OSBPL2: variants seen among roughly 807,000 people sequenced by gnomAD.
OSBPL2 encodes the protein oxysterol-binding protein-related protein 2.
OSBPL2 carries 18 observed loss-of-function variants against 58.4 expected under a neutral mutation model. The ratio of observed to expected loss-of-function variants is 0.31; its 90% CI spans 0.21 to 0.46. OSBPL2 has a LOEUF of 0.46. OSBPL2 is among the 20% of genes least tolerant of loss of function. The pLI is 1.00. For missense variants in OSBPL2, 461 were observed against 616.5 expected, an observed-to-expected ratio of 0.75 and a Z score of 2.67; for synonymous variants, 221 against 234.1, an observed-to-expected ratio of 0.94 and a Z score of 0.51.
rs147891445 is a variant in OSBPL2 at position 62,251,865 on chromosome 20, C to CTTTTTTTTTTTTTTTTTTTTTTTT, written c.-128-4184_-128-4161dup. ...TCAAGCGTCATTTTAATTGGTATGCCTTTTTTTTTTTTTTTTTTTTTTTTT... is the reference window on the plus strand; with the variant it reads ...TCAAGCGTCATTTTAATTGGTATGCCTTTTTTTTTTTTTTTTTTTTTTTTTTTTTTTTTTTTTTTTTTTTTTTTT... On this transcript the variant is annotated intron_variant, in intron 1 of 13. Transcript: ENST00000313733. 1.9e-4 allele frequency among the ~76,000 whole-genome samples: 8 copies of CTTTTTTTTTTTTTTTTTTTTTTTT among 41,738 alleles called. 2 individuals carry two copies. Among genetic ancestry groups the CTTTTTTTTTTTTTTTTTTTTTTTT allele is most frequent in the African/African-American group, 3.2e-4 (3 of 9,290 alleles). The allele number at this position is 41,738 out of a possible 152,430, so 27.4% of individuals were successfully genotyped here.
In OSBPL2 at chr20:62,244,285, A is replaced by G. The variant is rs546849705; in HGVS notation, c.-129+5688A>G. On this transcript the variant is annotated intron_variant, in intron 1 of 13. Coordinates refer to ENST00000313733, the MANE Select transcript of OSBPL2 (RefSeq NM_144498.4). ...CCTTGCTGGGTTGTGAGATGTGGGT[A>G]CAAGGTGTCTCCTTCTCCTCTAGCT... 2.6e-5 allele frequency among the ~76,000 whole-genome samples: 4 copies of G among 152,304 alleles called. No individual in the cohort carries two copies. The East Asian group carries it at 7.7e-4, about 29-fold the overall frequency.
At chr20:62,261,251 G>A (rs1042718296) in intron 3 of OSBPL2, among the ~76,000 whole-genome samples, 3 of 151,230 alleles carry the variant, frequency 2.0e-5, no homozygotes, top group Admixed American at 6.6e-5. Context: ...GGGAGGCAGA[G>A]GTTACAGTGA....
Position 62,251,865 on chromosome 20 carries a change from C to CTTTTTTTTTTTTT in OSBPL2, c.-128-4173_-128-4161dup, listed in dbSNP as rs147891445. ...TCAAGCGTCATTTTAATTGGTATGC[C>CTTTTTTTTTTTTT]TTTTTTTTTTTTTTTTTTTTTTTTT... On this transcript the variant is annotated intron_variant, in intron 1 of 13. Transcript: ENST00000313733. Among the ~76,000 whole-genome samples the CTTTTTTTTTTTTT allele has an allele frequency of 4.8e-5, 2 of 41,770 alleles. 1 individual carries two copies. Among genetic ancestry groups the CTTTTTTTTTTTTT allele is most frequent in the African/African-American group, 2.1e-4 (2 of 9,310 alleles). 27.4% of individuals were successfully genotyped at this position (41,770 alleles called of 152,430 possible). A position where few individuals can be genotyped will look rare whatever the true frequency, so the allele number is the denominator to read the frequency against.
At chr20:62,258,236 A>C (rs60155267) in intron 2 of OSBPL2, among the ~76,000 whole-genome samples, 10,774 of 152,274 alleles carry the variant, frequency 0.071, 490 homozygotes, top group South Asian at 0.16. Flanking sequence ...CTTGGGCTTC[A>C]AAACAAATAA....
chr20:62,291,692 T>A lies in OSBPL2; in HGVS notation c.1250-11T>A, dbSNP rs1379841069. On this transcript the variant is annotated splice_polypyrimidine_tract_variant and intron_variant, in intron 12 of 13. Coordinates refer to ENST00000313733, the MANE Select transcript of OSBPL2 (RefSeq NM_144498.4). ...TCTCTGTCTGACCTAAACTGTTTGC[T>A]TGGATCCTAGATCTGGCCAGCCAGG... The A allele has an allele frequency of 1.2e-6, 2 of 1,613,372 alleles. No individual in the cohort carries two copies. The highest frequency in any genetic ancestry group is 2.2e-5 in the South Asian group (2 of 91,070).
intron 6 of OSBPL2, among the ~76,000 whole-genome samples, chr20:62,273,631 G>A (rs1029468397): frequency 4.6e-5 from 7 of 152,224 alleles, no homozygotes; most frequent in Non-Finnish European, 8.8e-5. Flanking sequence ...CTGGCAATGA[G>A]ATATTTTAGT....
chr20:62,284,220 T>C (rs762991588), intron 10 of OSBPL2, 51 bp downstream of exon 10: 2 of 1,612,574 alleles, frequency 1.2e-6, no homozygotes, highest in African/African-American at 2.7e-5. Flanking sequence ...TGCTGAGGGC[T>C]GCCAGGCCGC....
intron 1 of OSBPL2, among the ~76,000 whole-genome samples, chr20:62,243,823 T>A (rs1015648729): frequency 1.0e-4 from 15 of 147,694 alleles, no homozygotes; most frequent in Non-Finnish European, 1.3e-4. Flanking sequence ...GAACGAAAAA[T>A]TTTTTTTCCT....
chr20:62,291,600 C>A, intron 12 of OSBPL2, 103 bp from the exon 13 acceptor site: 3 of 962,588 alleles, frequency 3.1e-6, no homozygotes, highest in Non-Finnish European at 5.0e-6. Context: ...TGTGGCATTC[C>A]AGCCACAGTG....
At chr20:62,271,806 G>A (rs1040396826) in intron 4 of OSBPL2, 20 of 289,010 alleles carry the variant, frequency 6.9e-5, no homozygotes, top group East Asian at 6.8e-4. Flanking sequence ...GGGAGGGGGC[G>A]CAGGTGGGCC....
intron 1 of OSBPL2, among the ~76,000 whole-genome samples, chr20:62,251,037 ATTTTTTTTTTTTTT>A (rs35328509): frequency 1.9e-4 from 19 of 97,808 alleles, no homozygotes; most frequent in Admixed American, 1.0e-3. Flanking sequence ...AGAGCAATAG[ATTTTTTTTTTTTTT>A]TTTTTTTTTT....
intron 6 of OSBPL2, chr20:62,278,534 AGTGCGATGTCATGTTTG>A: frequency 2.6e-5 from 2 of 76,416 alleles, no homozygotes; most frequent in Admixed American, 2.8e-4. Context: ...CGTTAGGCCG[AGTGCGATGTCATGTTTG>A]TGTGTGTGTC....
chr20:62,266,977 G>A (rs1462384949), intron 4 of OSBPL2, among the ~76,000 whole-genome samples: 1 of 152,226 alleles, frequency 6.6e-6, no homozygotes, highest in Non-Finnish European at 1.5e-5. Flanking sequence ...GGCAGGCCAG[G>A]CGTGCGACGG....
Position 62,294,030 on chromosome 20 carries a change from G to A in OSBPL2, c.*143G>A. 9.0e-7 allele frequency: 1 copy of A among 1,115,754 alleles called. No homozygotes were observed. The highest frequency in any genetic ancestry group is 3.2e-5 in the Admixed American group (1 of 30,850). The allele number at this position is 1,115,754 out of a possible 1,614,324, so 69.1% of individuals were successfully genotyped here. A position where few individuals can be genotyped will look rare whatever the true frequency, so the allele number is the denominator to read the frequency against. On this transcript the variant is annotated 3_prime_UTR_variant, in exon 14 of 14. Transcript: ENST00000313733. ...GATAGCATCATCCCTGATCAAGGATGTAATTCTAATTAACTGTTGATTGCC... is the reference window on the plus strand; with the variant it reads ...GATAGCATCATCCCTGATCAAGGATATAATTCTAATTAACTGTTGATTGCC...
Position 62,256,212 on chromosome 20 carries a change from G to A in OSBPL2, c.28G>A (p.Ala10Thr). The A allele has an allele frequency of 1.2e-6, 2 of 1,613,866 alleles. No individual in the cohort carries two copies. Among genetic ancestry groups the A allele is most frequent in the Non-Finnish European group, 1.7e-6 (2 of 1,179,820 alleles). Residue 10 changes from alanine (A) to threonine (T), a missense_variant, in exon 2 of 14, where the codon GCC becomes ACC. Ala to Thr is a moderately conservative substitution (Grantham distance 58). Around this residue, in one of 5 missense-constraint regions of OSBPL2, gnomAD observed 80 missense variants for 74.8 expected, o/e 1.07. Transcript: ENST00000313733. MNGEEEFFD[A>T]VTGFDSDNSS... ...GAACGGAGAGGAAGAATTCTTTGAT[G>A]CCGTCACAGGTGAGTCAAAAGAGAA... is the stretch of plus-strand genomic sequence containing the variant.
intron 1 of OSBPL2, among the ~76,000 whole-genome samples, chr20:62,248,012 C>T (rs1300545736): frequency 3.3e-5 from 5 of 152,004 alleles, no homozygotes; most frequent in African/African-American, 4.8e-5. Flanking sequence ...ATAGTGGGAA[C>T]GTTTTCCCTT....
At chr20:62,255,608 A>G (rs142469169) in intron 1 of OSBPL2, among the ~76,000 whole-genome samples, 1,794 of 152,116 alleles carry the variant, frequency 0.012, 14 homozygotes, top group Middle Eastern at 0.024. Flanking sequence ...AGTTCAAGAG[A>G]TTCTCCTGCC....
intron 1 of OSBPL2, among the ~76,000 whole-genome samples, chr20:62,243,207 G>T (rs6061463): frequency 6.6e-6 from 1 of 152,104 alleles, no homozygotes; most frequent in Admixed American, 6.5e-5. Flanking sequence ...CACGGGCTGC[G>T]TCTGTGGTGG....
At chr20:62,293,292 C>G (rs1180362732) in intron 13 of OSBPL2, among the ~76,000 whole-genome samples, 1 of 152,172 alleles carries the variant, frequency 6.6e-6, no homozygotes. Flanking sequence ...GGACACCCCT[C>G]GGGCCCTGAG....
Sources: allele counts gnomAD v4.1 joint callset (sites outside exome capture counted in the v4.1 genomes callset), GRCh38; gene constraint gnomAD v4.1.1; regional missense constraint gnomAD v4.1.1; transcripts MANE v1.5; gene names NCBI Gene and HGNC (gene_info 2026-07-23, HGNC 2026-07-21).